Variants in PHC2 observed in about 807,000 individuals in gnomAD.
PHC2 encodes the protein polyhomeotic-like protein 2.
A neutral mutation model predicts 87.4 loss-of-function variants in PHC2; 29 were observed. The observed-to-expected ratio is 0.33, with a 90% CI of 0.25 to 0.45. The LOEUF (loss-of-function observed/expected upper bound fraction) is 0.45, where lower values mean the gene tolerates loss of function less well. Among genes scored for constraint, PHC2 ranks in the 20% least tolerant of loss-of-function variants. The probability of loss-of-function intolerance (pLI) is 1.00; values close to 1 mark genes in which losing one functional copy is unlikely to be tolerated. For missense variants in PHC2, 857 were observed against 1,136.7 expected (o/e 0.75, Z 3.54); for synonymous variants, 438 against 461.7 (o/e 0.95, Z 0.66).
In PHC2 at chr1:33,334,227, C is replaced by T. The variant is rs754988377; in HGVS notation, c.1624G>A (p.Gly542Arg). Reference protein sequence around the residue: ...LSSPGMTSGNGNSASSIAGTA... With the variant: ...LSSPGMTSGNRNSASSIAGTA... ...CCGGCGATGCTGGAGGCAGAGTTTC[C>T]GTTCCCTGAGGTCATGCCGGGGCTG... Residue 542 changes from glycine to arginine, a missense_variant, in exon 10 of 15, where the codon GGA becomes AGA. Gly to Arg is a moderately radical substitution (Grantham distance 125). Coordinates refer to ENST00000683057, the MANE Select transcript of PHC2 (RefSeq NM_001385109.1). The surrounding 1 kb of genome is among the most constrained non-coding windows in gnomAD (Gnocchi z 5.5). The T allele has an allele frequency of 8.1e-6, 13 of 1,612,736 alleles. 1 individual carries two copies. In the South Asian group the frequency reaches 9.9e-5, roughly 12 times the overall value.
At chr1:33,404,338 G>GT (rs764607417) in intron 1 of PHC2, among the ~76,000 whole-genome samples, 16 of 152,070 alleles carry the variant, frequency 1.1e-4, no homozygotes, top group Non-Finnish European at 2.1e-4. Context: ...GGTGATGCCT[G>GT]TAAGTTGAAA....
In PHC2 at chr1:33,349,938, G is replaced by A. The variant is rs1646933313; in HGVS notation, c.1558+4463C>T. 6.0e-6 allele frequency: 5 copies of A among 832,822 alleles called. No homozygotes were observed. The highest frequency in any genetic ancestry group is 1.9e-5 in the African/African-American group (1 of 53,922). The allele number at this position is 832,822 out of a possible 1,614,324, so 51.6% of individuals were successfully genotyped here. ...CGGCTCCCGCGGCCGCCTCCGCCGGGGGCGGGGCGAGGGAGCGGGGCGGGG... is the reference window on the plus strand; with the variant it reads ...CGGCTCCCGCGGCCGCCTCCGCCGGAGGCGGGGCGAGGGAGCGGGGCGGGG... On this transcript the variant is annotated intron_variant, in intron 9 of 14. Coordinates refer to ENST00000683057, the MANE Select transcript of PHC2 (RefSeq NM_001385109.1). This position sits in a 1 kb window ranked among gnomAD's most constrained non-coding sequence, Gnocchi z 4.2.
rs1646333486 is a variant in PHC2 at position 33,324,727 on chromosome 1, ACCT to A, written c.*135_*137del. 4.6e-6 allele frequency: 4 copies of A among 860,736 alleles called. No individual in the cohort carries two copies. The Admixed American group carries it at 9.0e-5, about 19-fold the overall frequency. 53.3% of individuals were successfully genotyped at this position (860,736 alleles called of 1,614,324 possible). Reference sequence around the variant, plus strand: ...TGAGAGCCATGGAGGAGGTGCCCAGACCTCCTCACCAGCTATGCCCCTAGGGAG... The same window carrying A: ...TGAGAGCCATGGAGGAGGTGCCCAGACCTCACCAGCTATGCCCCTAGGGAG... On this transcript the variant is annotated 3_prime_UTR_variant, in exon 15 of 15. Transcript: ENST00000683057.
rs1646521894 is a variant in PHC2, at chr1:33,332,439, A to C, written c.1762-35T>G. 6.2e-7 allele frequency: 1 copy of C among 1,613,332 alleles called. No homozygotes were observed. Among genetic ancestry groups the C allele is most frequent in the Admixed American group, 1.7e-5 (1 of 59,976 alleles). ...AGGTAACACGGAGGCCGTGAGGGTC[A>C]GGTGGGAGCGGCTTCCTTGCTATCC... On this transcript the variant is annotated intron_variant, in intron 10 of 14. Transcript: ENST00000683057. The surrounding 1 kb of genome is among the most constrained non-coding windows in gnomAD (Gnocchi z 4.2).
At chr1:33,353,147 G>A (rs1038876985) in intron 9 of PHC2, 1 of 152,202 alleles carries the variant, frequency 6.6e-6, no homozygotes, top group Non-Finnish European at 1.5e-5. Context: ...AGACAAGCCT[G>A]ACCAGAATGG....
chr1:33,346,860 C>T (rs896273742), intron 9 of PHC2: 55 of 985,272 alleles, frequency 5.6e-5, no homozygotes, highest in Non-Finnish European at 6.6e-5. Context: ...AAGACACCTA[C>T]GAGCACACCA....
rs1023427802 is a variant in PHC2 at position 33,334,970 on chromosome 1, C to G, written c.1559-678G>C. On this transcript the variant is annotated intron_variant, in intron 9 of 14. Coordinates refer to ENST00000683057, the MANE Select transcript of PHC2 (RefSeq NM_001385109.1). This position sits in a 1 kb window ranked among gnomAD's most constrained non-coding sequence, Gnocchi z 5.5. Reference sequence around the variant, plus strand: ...TAGGCAGAGGCTGAGATTTTCTCTGCTGTTTCTGCTGAGCTGAGTGCTCTC... The same window carrying G: ...TAGGCAGAGGCTGAGATTTTCTCTGGTGTTTCTGCTGAGCTGAGTGCTCTC... Among the ~76,000 whole-genome samples, 2 of 152,180 alleles carry G rather than the reference C, an allele frequency of 1.3e-5. No individual in the cohort carries two copies. Among genetic ancestry groups the G allele is most frequent in the African/African-American group, 2.4e-5 (1 of 41,438 alleles).
intron 1 of PHC2, among the ~76,000 whole-genome samples, chr1:33,394,877 C>A (rs1448095183): frequency 6.6e-6 from 1 of 152,100 alleles, no homozygotes; most frequent in African/African-American, 2.4e-5. Flanking sequence ...GCCAAAACAG[C>A]GTTTTTAAAG....
At position 33,372,421 on chromosome 1, in the gene PHC2, C is replaced by T; in HGVS notation, c.201G>A (p.Gln67=). ...VQVIQQALHR[Q]PSTAAQYLQQ... ...GCAGGTACTGAGCGGCCGTGCTGGG[C>T]TGTCTGTGCAGGGCCTGCTGGATCA... The change falls in exon 3 of 15, where the codon CAG becomes CAA. Residue 67 remains glutamine, a synonymous_variant. Transcript: ENST00000683057. 10 of 1,594,390 alleles carry T rather than the reference C, an allele frequency of 6.3e-6. No homozygotes were observed. Among genetic ancestry groups the T allele is most frequent in the Non-Finnish European group, 8.6e-6 (10 of 1,168,206 alleles).
At chr1:33,385,357 A>T (rs1648688013) in intron 1 of PHC2, among the ~76,000 whole-genome samples, 1 of 152,190 alleles carries the variant, frequency 6.6e-6, no homozygotes, top group Admixed American at 6.5e-5. Flanking sequence ...ATCATGAGAG[A>T]GAGTTTAGAA....
rs536764042 is a variant in PHC2, at chr1:33,390,605, C to T, written c.-54-15012G>A. ...TACTGAATGCAATACAAACATGACT[C>T]GGATATTGACTCTATTTTTAAGAAG... is the stretch of plus-strand genomic sequence containing the variant. On this transcript the variant is annotated intron_variant, in intron 1 of 14. Coordinates refer to ENST00000683057, the MANE Select transcript of PHC2 (RefSeq NM_001385109.1). Among the ~76,000 whole-genome samples the T allele has an allele frequency of 5.3e-5, 8 of 151,928 alleles. No homozygotes were observed. The East Asian group carries it at 9.7e-4, about 18-fold the overall frequency.
intron 6 of PHC2, 22 bp from the exon 7 acceptor site, chr1:33,367,450 G>C (rs368506555): frequency 1.3e-6 from 2 of 1,523,396 alleles, no homozygotes; most frequent in African/African-American, 2.8e-5. Context: ...GGGTCTGTGG[G>C]AGTCCAGAGA....
At chr1:33,371,867 T>G (rs959478968) in intron 3 of PHC2, among the ~76,000 whole-genome samples, 2 of 152,264 alleles carry the variant, frequency 1.3e-5, no homozygotes, top group Admixed American at 6.5e-5. Flanking sequence ...AAACTTTGCA[T>G]GCAGAAGGTA....
At chr1:33,385,872 CT>C (rs1482582900) in intron 1 of PHC2, among the ~76,000 whole-genome samples, 2 of 151,810 alleles carry the variant, frequency 1.3e-5, no homozygotes, top group Non-Finnish European at 2.9e-5. Flanking sequence ...TCTCGGCTCA[CT>C]GCAACCTCTG....
intron 9 of PHC2, among the ~76,000 whole-genome samples, chr1:33,343,052 G>A (rs1035281758): frequency 2.6e-5 from 4 of 152,128 alleles, no homozygotes; most frequent in Admixed American, 6.5e-5. Context: ...CTGTAACAAC[G>A]AGGCTCATAC....
rs116601010 is a variant in PHC2 at position 33,340,570 on chromosome 1, T to C, written c.1559-6278A>G. Among the ~76,000 whole-genome samples the C allele has an allele frequency of 3.7e-3, 571 of 152,304 alleles. 7 individuals are homozygous for C. The highest frequency in any genetic ancestry group is 0.013 in the African/African-American group (546 of 41,562). ...AGTGCCCAGTCCTCATGGAAAGATC[T>C]GGGGCCACGCTTTACAATTTCTTTG... On this transcript the variant is annotated intron_variant, in intron 9 of 14. Transcript: ENST00000683057.
At chr1:33,402,123 C>T (rs1649561931) in intron 1 of PHC2, among the ~76,000 whole-genome samples, 1 of 152,056 alleles carries the variant, frequency 6.6e-6, no homozygotes, top group South Asian at 2.1e-4. Context: ...AAGTAAAAGA[C>T]ACAACAGAAA....
chr1:33,423,287 G>T (rs12092729), intron 1 of PHC2, among the ~76,000 whole-genome samples: 2,713 of 152,236 alleles, frequency 0.018, 75 homozygotes, highest in African/African-American at 0.061. Flanking sequence ...CAAAATAAAA[G>T]TGGGAAGAGA....
At chr1:33,360,119 C>A (rs775319009) in intron 7 of PHC2, among the ~76,000 whole-genome samples, 1 of 152,222 alleles carries the variant, frequency 6.6e-6, no homozygotes, top group Non-Finnish European at 1.5e-5. Context: ...ATTCCCTTGG[C>A]ATGGGGTCAG....
Sources: allele counts gnomAD v4.1 joint callset (sites outside exome capture counted in the v4.1 genomes callset), GRCh38; gene constraint gnomAD v4.1.1; non-coding constraint Gnocchi (gnomAD v3.1); transcripts MANE v1.5; gene names NCBI Gene and HGNC (gene_info 2026-07-23, HGNC 2026-07-21).